FBXO27: variants seen among roughly 807,000 people sequenced by gnomAD.
FBXO27 encodes F-box only protein 27.
FBXO27 carries 28 observed loss-of-function variants against 28.3 expected under a neutral mutation model. That is an observed-to-expected ratio of 0.99 (90% CI 0.73 to 1.36). The LOEUF (loss-of-function observed/expected upper bound fraction) is 1.36, where lower values mean the gene tolerates loss of function less well. Among genes scored for constraint, FBXO27 ranks in the 40% most tolerant of loss-of-function variants. The pLI is 0.00. For missense variants in FBXO27, 388 were observed against 394.1 expected, an observed-to-expected ratio of 0.98 and a Z score of 0.13; for synonymous variants, 175 against 167.3, an observed-to-expected ratio of 1.05 and a Z score of -0.36.
At chr19:39,027,629 G>A (rs917145640) in intron 4 of FBXO27, among the ~76,000 whole-genome samples, 4 of 151,916 alleles carry the variant, frequency 2.6e-5, no homozygotes, top group Non-Finnish European at 5.9e-5. Context: ...CTGTGAGTTC[G>A]TCCAGTGAAT....
intron 4 of FBXO27, among the ~76,000 whole-genome samples, chr19:39,030,216 C>T (rs1164673898): frequency 1.3e-5 from 2 of 152,162 alleles, no homozygotes; most frequent in Non-Finnish European, 2.9e-5. Context: ...ATACACCTTC[C>T]CACAGGATCA....
At chr19:39,025,659 A>G (rs1303498042) in intron 5 of FBXO27, 105 bp from the exon 6 acceptor site, 2 of 1,375,082 alleles carry the variant, frequency 1.5e-6, no homozygotes, top group African/African-American at 2.9e-5. Context: ...TGGCTATAAA[A>G]TCTCCAATTG....
chr19:39,010,218 A>G (rs1268251), intron 2 of FBXO27, among the ~76,000 whole-genome samples: 133,618 of 151,782 alleles, frequency 0.88, 59,051 homozygotes, highest in African/African-American at 0.97. Context: ...TCATAAAGAG[A>G]TATCCCTGTA....
downstream of FBXO27, among the ~76,000 whole-genome samples, chr19:39,022,007 C>T (rs1335792321): frequency 2.0e-5 from 3 of 151,914 alleles, no homozygotes; most frequent in African/African-American, 7.2e-5. Context: ...CCAACCGTCA[C>T]GTTGTTCATG....
intron 2 of FBXO27, among the ~76,000 whole-genome samples, chr19:39,010,092 G>C (rs754855281): frequency 2.6e-5 from 4 of 151,906 alleles, no homozygotes; most frequent in Non-Finnish European, 5.9e-5. Flanking sequence ...TTAGAGGTGT[G>C]AGCCACTGCA....
At chr19:39,029,426 C>A (rs1355403401) in intron 4 of FBXO27, among the ~76,000 whole-genome samples, 776 of 101,536 alleles carry the variant, frequency 7.6e-3, no homozygotes, top group South Asian at 8.1e-3. Flanking sequence ...GACTCTGTCT[C>A]AAAAAAAAAA....
In FBXO27 at chr19:39,031,107, T is replaced by C. The variant is rs756786324; in HGVS notation, c.494A>G (p.Gln165Arg). 3.2e-5 allele frequency: 52 copies of C among 1,614,020 alleles called. No homozygotes were observed. The highest frequency in any genetic ancestry group is 4.2e-5 in the Non-Finnish European group (50 of 1,180,014). The stretch of plus-strand genomic sequence containing the variant: ...ACCCTCCTCCTCTAGGTCCAAGACC[T>C]GCTTCTTGCAACACCAGCTGGGAAT... ...VTSFSWCCKK[Q>R]VLDLEEEGLW... is the part of the protein sequence containing the mutation. The change falls in exon 4 of 6, where the codon CAG becomes CGG. Residue 165 changes from glutamine to arginine, a missense_variant. Coordinates refer to ENST00000292853, the MANE Select transcript of FBXO27 (RefSeq NM_178820.5).
At chr19:39,019,139 T>C (rs1224512699), downstream of FBXO27, among the ~76,000 whole-genome samples, 4 of 143,130 alleles carry the variant, frequency 2.8e-5, no homozygotes, top group East Asian at 8.6e-4. Context: ...AAGAAAGGCA[T>C]ACTTGCCGAG....
intron 2 of FBXO27, among the ~76,000 whole-genome samples, chr19:39,012,436 G>A (rs1486943194): frequency 6.6e-6 from 1 of 150,982 alleles, no homozygotes. Context: ...CACCCACCTC[G>A]GCCTCCCAAA....
intron 2 of FBXO27, among the ~76,000 whole-genome samples, chr19:39,011,350 T>A (rs2072793004): frequency 1.3e-5 from 2 of 152,134 alleles, no homozygotes. Context: ...GAGAATTGCT[T>A]GAACCTGGGA....
At chr19:39,009,896 G>T (rs1023386818) in intron 2 of FBXO27, among the ~76,000 whole-genome samples, 1 of 151,864 alleles carries the variant, frequency 6.6e-6, no homozygotes, top group South Asian at 2.1e-4. Flanking sequence ...TGCAACCTGC[G>T]TCCCCTGGGT....
intron 2 of FBXO27, among the ~76,000 whole-genome samples, chr19:39,010,333 C>G (rs940084328): frequency 6.6e-6 from 1 of 152,040 alleles, no homozygotes; most frequent in Non-Finnish European, 1.5e-5. Flanking sequence ...CTTTGGATGT[C>G]GTTATCTGGC....
chr19:39,027,057 G>T, intron 4 of FBXO27, 52 bp from the exon 5 acceptor site: 2 of 1,609,028 alleles, frequency 1.2e-6, no homozygotes, highest in Non-Finnish European at 1.7e-6. Context: ...ATCTCTTTGG[G>T]TGTCTGCCTA....
chr19:39,029,042 T>TAAA (rs1249127334), intron 4 of FBXO27, among the ~76,000 whole-genome samples: 7 of 91,928 alleles, frequency 7.6e-5, no homozygotes, highest in African/African-American at 2.5e-4. Flanking sequence ...ACTCTGTCTC[T>TAAA]AAAAAAAAAA....
At chr19:39,027,117 G>C (rs2072877168) in intron 4 of FBXO27, 112 bp from the exon 5 acceptor site, 7 of 1,353,412 alleles carry the variant, frequency 5.2e-6, no homozygotes, top group Non-Finnish European at 7.1e-6. Flanking sequence ...CCTCTAAAGA[G>C]ACTCCTGGGA....
chr19:39,019,081 A>G (rs946626414), downstream of FBXO27, among the ~76,000 whole-genome samples: 6 of 124,160 alleles, frequency 4.8e-5, no homozygotes, highest in East Asian at 2.0e-4. Context: ...AAAAAAAAAA[A>G]AAAGAAAGAA....
At chr19:39,011,476 A>G (rs1212684618) in intron 2 of FBXO27, among the ~76,000 whole-genome samples, 1 of 152,148 alleles carries the variant, frequency 6.6e-6, no homozygotes, top group Non-Finnish European at 1.5e-5. Flanking sequence ...GAATCTGTAG[A>G]TCAATTTAGG....
downstream of FBXO27, among the ~76,000 whole-genome samples, chr19:39,023,761 G>A (rs1008506640): frequency 4.6e-5 from 7 of 152,000 alleles, no homozygotes; most frequent in Admixed American, 6.6e-5. Context: ...TTACAGGCGC[G>A]TGCCACCATG....
chr19:39,014,400 G>C (rs1232982178), exon 2 of FBXO27: 18 of 152,088 alleles, frequency 1.2e-4, no homozygotes, highest in Admixed American at 1.2e-3. Context: ...GTCAATCTTA[G>C]AGCTGGAATT....
Sources: allele counts gnomAD v4.1 joint callset (sites outside exome capture counted in the v4.1 genomes callset), GRCh38; gene constraint gnomAD v4.1.1; transcripts MANE v1.5; gene names NCBI Gene and HGNC (gene_info 2026-07-23, HGNC 2026-07-21).